Variants in FBLN2 observed in about 807,000 individuals in gnomAD.
FBLN2 encodes fibulin 2, also known as fibulin-2.
Under a neutral mutation model 123.7 loss-of-function variants are expected in FBLN2, and 81 were observed. The ratio of observed to expected loss-of-function variants is 0.65; its 90% CI spans 0.55 to 0.79. FBLN2 has a LOEUF of 0.79. Among genes scored for constraint, FBLN2 ranks in the 30% least tolerant of loss-of-function variants. The pLI is 0.00. For synonymous variants in FBLN2, 699 were observed against 701.4 expected (o/e 1.00, Z 0.05); for missense variants, 1,603 against 1,681.3 (o/e 0.95, Z 0.81).
Position 13,613,835 on chromosome 3 carries a change from G to A in FBLN2, c.1549-149G>A, listed in dbSNP as rs937604340. 39 of 768,336 alleles carry A rather than the reference G, an allele frequency of 5.1e-5. No homozygotes were observed. The African/African-American group carries it at 6.5e-4, about 13-fold the overall frequency. 47.6% of individuals were successfully genotyped at this position (768,336 alleles called of 1,614,324 possible). A position where few individuals can be genotyped will look rare whatever the true frequency, so the allele number is the denominator to read the frequency against. On this transcript the variant is annotated intron_variant, in intron 4 of 17. Transcript: ENST00000404922. Reference sequence around the variant, plus strand: ...CCTGTGCCAGACTTGGGAAATAGAGGCAGAGGACCCCTCTGCCCTGGGAGA... The same window carrying A: ...CCTGTGCCAGACTTGGGAAATAGAGACAGAGGACCCCTCTGCCCTGGGAGA...
chr3:13,572,954 A>G (rs1704011463), intron 2 of FBLN2, among the ~76,000 whole-genome samples: 1 of 152,090 alleles, frequency 6.6e-6, no homozygotes, highest in African/African-American at 2.4e-5. Flanking sequence ...GCAGGTTTGA[A>G]ACCCCCGTGG....
At chr3:13,606,761 C>T (rs541288613) in intron 2 of FBLN2, among the ~76,000 whole-genome samples, 128 of 152,252 alleles carry the variant, frequency 8.4e-4, no homozygotes, top group Non-Finnish European at 1.5e-3. Flanking sequence ...CAGTGATTCT[C>T]CTGCCTCAGC....
chr3:13,630,257 G>A (rs1195225838), intron 14 of FBLN2, among the ~76,000 whole-genome samples: 2 of 152,208 alleles, frequency 1.3e-5, no homozygotes, highest in Non-Finnish European at 2.9e-5. Context: ...TCCAAGGTCC[G>A]TGTACCTACC....
At chr3:13,568,560 G>A (rs1476342833) in intron 1 of FBLN2, among the ~76,000 whole-genome samples, 11 of 152,186 alleles carry the variant, frequency 7.2e-5, no homozygotes, top group Non-Finnish European at 1.3e-4. Context: ...GTTACCACCC[G>A]TGTGCTGATG....
chr3:13,614,901 TATCCATCC>T (rs113294664), intron 5 of FBLN2, among the ~76,000 whole-genome samples: 1,810 of 139,660 alleles, frequency 0.013, 31 homozygotes, highest in African/African-American at 0.046. Context: ...TCTATTCATC[TATCCATCC>T]ATCCATCCAT....
chr3:13,591,746 T>C (rs941749037), intron 2 of FBLN2, among the ~76,000 whole-genome samples: 27 of 152,230 alleles, frequency 1.8e-4, no homozygotes, highest in Non-Finnish European at 3.2e-4. Context: ...GTTTAAGAAA[T>C]TGATGTCTCT....
chr3:13,586,031 A>G (rs1441703199), intron 2 of FBLN2, among the ~76,000 whole-genome samples: 3 of 152,236 alleles, frequency 2.0e-5, no homozygotes, highest in Non-Finnish European at 4.4e-5. Context: ...AGGAGAAGGC[A>G]TTGCTATCAT....
chr3:13,615,623 T>A (rs1705570995), intron 5 of FBLN2, among the ~76,000 whole-genome samples: 1 of 152,252 alleles, frequency 6.6e-6, no homozygotes, highest in African/African-American at 2.4e-5. Flanking sequence ...CAAGGATGAA[T>A]GATAGGATGC....
In FBLN2 at chr3:13,571,167, G is replaced by A. The variant is rs1348213935; in HGVS notation, c.812G>A (p.Arg271Lys). 3.8e-6 allele frequency: 6 copies of A among 1,561,996 alleles called. No individual in the cohort carries two copies. The highest frequency in any genetic ancestry group is 1.2e-5 in the South Asian group (1 of 84,944). Reference protein sequence around the residue: ...GPPAPVQAKARRVTEDSEEEE... With the variant: ...GPPAPVQAKAKRVTEDSEEEE... ...CCAGCCCCAGTGCAGGCCAAAGCTA[G>A]GAGAGTGACCGAGGACAGTGAGGAG... Residue 271 changes from arginine to lysine, a missense_variant, in exon 2 of 18, where the codon AGG (arginine) becomes AAG (lysine). Coordinates refer to ENST00000404922, the MANE Select transcript of FBLN2 (RefSeq NM_001004019.2).
intron 7 of FBLN2, 141 bp downstream of exon 7, chr3:13,619,158 A>G (rs1462557271): frequency 9.2e-6 from 6 of 652,678 alleles, no homozygotes. Context: ...TTTGGGGATG[A>G]TGGGCTTACC....
rs779056292 is a variant in FBLN2 at position 13,637,539 on chromosome 3, G to A, written c.3339-23G>A. The A allele has an allele frequency of 1.9e-6, 3 of 1,570,872 alleles. No individual in the cohort carries two copies. In the Admixed American group the frequency reaches 5.2e-5, roughly 27 times the overall value. ...TGAGGGGGGTGGGCGAGCTGTGGGT[G>A]ACCCGGCCTATCCTCCCTGCAGGAA... On this transcript the variant is annotated intron_variant, in intron 17 of 17. Coordinates refer to ENST00000404922, the MANE Select transcript of FBLN2 (RefSeq NM_001004019.2).
intron 2 of FBLN2, among the ~76,000 whole-genome samples, chr3:13,584,743 G>A (rs778500216): frequency 3.9e-5 from 6 of 152,082 alleles, no homozygotes; most frequent in Admixed American, 6.5e-5. Flanking sequence ...ATGGCCGTGC[G>A]GGTATGGTGG....
At chr3:13,619,106 T>C in intron 7 of FBLN2, 89 bp downstream of exon 7, 1 of 947,516 alleles carries the variant, frequency 1.1e-6, no homozygotes, top group East Asian at 2.6e-5. Flanking sequence ...TGTCTGGTGC[T>C]GGGTATGTGC....
chr3:13,628,737 G>A lies in FBLN2; in HGVS notation c.2570-168G>A, dbSNP rs561806614. 1.8e-4 allele frequency among the ~76,000 whole-genome samples: 28 copies of A among 152,222 alleles called. No individual in the cohort carries two copies. The South Asian group carries it at 1.9e-3, about 10-fold the overall frequency. ...ATCAGGTGCTTGGGTTCTGGGAGGT[G>A]TATCCCTTGGGTAGTGGGGCACAGG... On this transcript the variant is annotated intron_variant, in intron 11 of 17. Transcript: ENST00000404922.
At chr3:13,566,650 G>C (rs564110057) in intron 1 of FBLN2, 1 of 152,352 alleles carries the variant, frequency 6.6e-6, no homozygotes, top group South Asian at 2.1e-4. Flanking sequence ...CCATCAGACA[G>C]CACCAGGATA....
At position 13,614,102 on chromosome 3, in the gene FBLN2, A is replaced by G. The variant is rs202151995; in HGVS notation, c.1667A>G (p.Glu556Gly). 297 of 1,613,506 alleles carry G rather than the reference A, an allele frequency of 1.8e-4. No individual in the cohort carries two copies. Among genetic ancestry groups the G allele is most frequent in the Non-Finnish European group, 2.1e-4 (247 of 1,179,872 alleles). Residue 556 changes from glutamate to glycine, a missense_variant, in exon 5 of 18, where the codon GAA (glutamate) becomes GGA (glycine). Physicochemically the swap from Glu to Gly is moderately conservative, Grantham distance 98 (BLOSUM62 -2). Coordinates refer to ENST00000404922, the MANE Select transcript of FBLN2 (RefSeq NM_001004019.2). ...NHVMLSCCEG[E>G]EPLIVPEVRR... is the part of the protein sequence containing the mutation. ...GTCATGCTCTCCTGCTGTGAGGGTG[A>G]AGAGCCTCTCATAGTACCTGAGGTT...
intron 2 of FBLN2, among the ~76,000 whole-genome samples, chr3:13,600,113 T>G (rs1574972449): frequency 1.5e-5 from 2 of 130,236 alleles, no homozygotes; most frequent in African/African-American, 2.9e-5. Flanking sequence ...CTGTGAGAGG[T>G]GGTCTCAGAA....
intron 2 of FBLN2, among the ~76,000 whole-genome samples, chr3:13,582,625 C>T (rs1704369621): frequency 6.6e-6 from 1 of 152,176 alleles, no homozygotes; most frequent in Non-Finnish European, 1.5e-5. Context: ...GAATTCCTGC[C>T]TCTGCCGCTC....
Position 13,570,348 on chromosome 3 carries a change from C to A in FBLN2, c.-8C>A, listed in dbSNP as rs1355805164. 1.3e-6 allele frequency: 2 copies of A among 1,540,638 alleles called. No individual in the cohort carries two copies. The highest frequency in any genetic ancestry group is 2.0e-5 in the Admixed American group (1 of 50,674). On this transcript the variant is annotated 5_prime_UTR_variant, in exon 2 of 18. Coordinates refer to ENST00000404922, the MANE Select transcript of FBLN2 (RefSeq NM_001004019.2). ...AGGAGAGGGGACCGTCCTGGGCTGGCCTGGACCATGGTGCTGCTCTGGGAG... is the reference window on the plus strand; with the variant it reads ...AGGAGAGGGGACCGTCCTGGGCTGGACTGGACCATGGTGCTGCTCTGGGAG...
Sources: allele counts gnomAD v4.1 joint callset (sites outside exome capture counted in the v4.1 genomes callset), GRCh38; gene constraint gnomAD v4.1.1; transcripts MANE v1.5; gene names NCBI Gene and HGNC (gene_info 2026-07-23, HGNC 2026-07-21).